Variants in GNG5 observed in about 807,000 individuals in gnomAD.
GNG5 encodes G protein subunit gamma 5.
Under a neutral mutation model 6.2 loss-of-function variants are expected in GNG5, and 2 were observed. The observed-to-expected ratio is 0.32, with a 90% CI of 0.13 to 1.01. GNG5 has a LOEUF of 1.01. Ranked by LOEUF, GNG5 falls within the 50% of genes least tolerant of loss-of-function variation. GNG5 has a pLI of 0.48. For synonymous variants in GNG5, 24 were observed against 33.0 expected (o/e 0.73, Z 0.93); for missense variants, 57 against 80.2 (o/e 0.71, Z 1.10).
At position 84,501,932 on chromosome 1, in the gene GNG5, C is replaced by T. The variant is rs1475878746; in HGVS notation, c.120G>A (p.Leu40=). Residue 40 remains leucine (L), a synonymous_variant, in exon 3 of 4, where the codon CTG becomes CTA. Transcript: ENST00000370645. ...GCAGAGGGTCATGTTGAGCATTCTG[C>T]AGACAGAACTGTTTCAAGTCTGCAG... ...QAAADLKQFC[L]QNAQHDPLLT... The T allele has an allele frequency of 3.1e-6, 5 of 1,609,740 alleles. No individual in the cohort carries two copies. The South Asian group carries it at 5.5e-5, about 18-fold the overall frequency.
At chr1:84,502,105 T>C in intron 2 of GNG5, 135 bp from the exon 3 acceptor site, 1 of 542,938 alleles carries the variant, frequency 1.8e-6, no homozygotes, top group Non-Finnish European at 3.3e-6. Flanking sequence ...TATATAATAA[T>C]TGAAGACTTA....
chr1:84,505,895 C>G (rs1558556118), intron 2 of GNG5, 116 bp downstream of exon 2: 1 of 671,920 alleles, frequency 1.5e-6, no homozygotes. Context: ...GAGCGCGCGT[C>G]CTCTCCAGGG....
rs536879084 is a variant in GNG5, at chr1:84,498,558, GGAA to G, written c.*20-13_*20-11del. On this transcript the variant is annotated splice_polypyrimidine_tract_variant and intron_variant, in intron 3 of 3. Coordinates refer to ENST00000370645, the MANE Select transcript of GNG5 (RefSeq NM_005274.3). ...GAGTGGTTTGGGAAACCTAAGATGG[GGAA>G]AAAAAAAAAAAGGTGAGTTAGGGTA... 16,287 of 147,114 alleles carry G rather than the reference GGAA, an allele frequency of 0.11. 1,168 individuals carry two copies. The highest frequency in any genetic ancestry group is 0.19 in the African/African-American group (7,804 of 40,574). The allele number at this position is 147,114 out of a possible 1,614,324, so 9.1% of individuals were successfully genotyped here.
intron 2 of GNG5, 67 bp downstream of exon 2, chr1:84,505,944 G>C: frequency 4.7e-6 from 5 of 1,066,584 alleles, no homozygotes; most frequent in Non-Finnish European, 6.3e-6. Context: ...GCCCCCGCCA[G>C]CTGGGCCGCC....
chr1:84,501,552 C>T (rs372544418), intron 3 of GNG5, among the ~76,000 whole-genome samples: 1 of 152,292 alleles, frequency 6.6e-6, no homozygotes, highest in South Asian at 2.1e-4. Flanking sequence ...TGGCTTGTTA[C>T]GGCAGTGGGA....
intron 3 of GNG5, among the ~76,000 whole-genome samples, 193 bp downstream of exon 3, chr1:84,501,633 T>G (rs545462164): frequency 6.6e-6 from 1 of 152,280 alleles, no homozygotes; most frequent in South Asian, 2.1e-4. Flanking sequence ...TATGGTAAAA[T>G]AGAAACGATT....
At chr1:84,500,048 C>T (rs1165757452) in intron 3 of GNG5, among the ~76,000 whole-genome samples, 3 of 152,126 alleles carry the variant, frequency 2.0e-5, no homozygotes, top group Non-Finnish European at 2.9e-5. Flanking sequence ...GCCGAGACTG[C>T]GCCACTGCAC....
intron 3 of GNG5, among the ~76,000 whole-genome samples, chr1:84,501,454 T>TAA (rs1682055409): frequency 6.6e-6 from 1 of 151,714 alleles, no homozygotes; most frequent in South Asian, 2.1e-4. Flanking sequence ...GCAGATTTTT[T>TAA]AAAAACTGTC....
intron 2 of GNG5, 108 bp downstream of exon 2, chr1:84,505,903 G>C (rs1682189952): frequency 1.3e-6 from 1 of 767,134 alleles, no homozygotes; most frequent in African/African-American, 1.9e-5. Flanking sequence ...GTCCTCTCCA[G>C]GGGAAGCGAG....
chr1:84,506,234 A>G lies in GNG5; in HGVS notation c.-143T>C, dbSNP rs529565354. 3.5e-6 allele frequency: 2 copies of G among 563,714 alleles called. No individual in the cohort carries two copies. Among genetic ancestry groups the G allele is most frequent in the South Asian group, 6.8e-5 (2 of 29,522 alleles). 34.9% of individuals were successfully genotyped at this position (563,714 alleles called of 1,614,324 possible). On this transcript the variant is annotated 5_prime_UTR_variant, in exon 2 of 4. Coordinates refer to ENST00000370645, the MANE Select transcript of GNG5 (RefSeq NM_005274.3). ...TTCCGGTTCTGTGCTCAGCGGCTCC[A>G]CCCTCGGTGCGCATGCGCGCCTTGC...
At chr1:84,499,430 G>C (rs947835488) in intron 3 of GNG5, among the ~76,000 whole-genome samples, 2 of 152,156 alleles carry the variant, frequency 1.3e-5, no homozygotes, top group Non-Finnish European at 2.9e-5. Context: ...GTACAACGTT[G>C]TAAAAATGTT....
Position 84,505,994 on chromosome 1 carries a change from C to T in GNG5, c.81+17G>A. The T allele has an allele frequency of 2.0e-6, 3 of 1,489,326 alleles. No individual in the cohort carries two copies. The highest frequency in any genetic ancestry group is 8.9e-7 in the Non-Finnish European group (1 of 1,118,378). 92.3% of individuals were successfully genotyped at this position (1,489,326 alleles called of 1,614,324 possible). A position where few individuals can be genotyped will look rare whatever the true frequency, so the allele number is the denominator to read the frequency against. ...GCCGCCGCCTTCCTCCCGCCTCGGC[C>T]GCCCGCCCCCGCTCACTTTTACGCG... On this transcript the variant is annotated intron_variant, in intron 2 of 3. Transcript: ENST00000370645.
At chr1:84,504,954 T>C (rs1403690385) in intron 2 of GNG5, among the ~76,000 whole-genome samples, 2 of 152,246 alleles carry the variant, frequency 1.3e-5, no homozygotes, top group African/African-American at 2.4e-5. Flanking sequence ...CTGACACTTC[T>C]AGTTAAGAAA....
intron 2 of GNG5, among the ~76,000 whole-genome samples, chr1:84,505,807 C>T (rs1189799508): frequency 6.6e-6 from 1 of 152,202 alleles, no homozygotes. Flanking sequence ...GAAGGGCGAA[C>T]TAATCGTCCC....
At chr1:84,502,223 G>A (rs1355904677) in intron 2 of GNG5, among the ~76,000 whole-genome samples, 1 of 135,200 alleles carries the variant, frequency 7.4e-6, no homozygotes, top group Non-Finnish European at 1.5e-5. Context: ...TGCAACCTCC[G>A]CCTCGGTTCA....
intron 3 of GNG5, among the ~76,000 whole-genome samples, chr1:84,501,574 C>G (rs553512015): frequency 6.6e-6 from 1 of 152,182 alleles, no homozygotes; most frequent in Non-Finnish European, 1.5e-5. Flanking sequence ...TTTGTAGTAA[C>G]TCTCCTATAC....
At chr1:84,502,569 A>C (rs956409184) in intron 2 of GNG5, among the ~76,000 whole-genome samples, 18 of 152,332 alleles carry the variant, frequency 1.2e-4, no homozygotes, top group Admixed American at 1.2e-3. Context: ...TGCAAAGCGT[A>C]GCACATCTTG....
Position 84,506,148 on chromosome 1 carries a change from G to C in GNG5, c.-57C>G, listed in dbSNP as rs1016632306. On this transcript the variant is annotated 5_prime_UTR_variant, in exon 2 of 4. Coordinates refer to ENST00000370645, the MANE Select transcript of GNG5 (RefSeq NM_005274.3). ...TCGGTGGGTCGTGGGCCGTGGGTCG[G>C]CGGGGCCAGACAACTCAGCGGCGCG... The C allele has an allele frequency of 1.3e-4, 187 of 1,470,800 alleles. No homozygotes were observed. The highest frequency in any genetic ancestry group is 2.2e-4 in the Admixed American group (11 of 49,220). 91.1% of individuals were successfully genotyped at this position (1,470,800 alleles called of 1,614,324 possible).
At chr1:84,505,515 CAA>C (rs139583582) in intron 2 of GNG5, among the ~76,000 whole-genome samples, 12,098 of 152,188 alleles carry the variant, frequency 0.079, 505 homozygotes, top group African/African-American at 0.1. Context: ...GTTCAACGGA[CAA>C]GAGAAGTTGA....
Sources: allele counts gnomAD v4.1 joint callset (sites outside exome capture counted in the v4.1 genomes callset), GRCh38; gene constraint gnomAD v4.1.1; transcripts MANE v1.5; gene names NCBI Gene and HGNC (gene_info 2026-07-23, HGNC 2026-07-21).